Variants in PLEC observed in about 807,000 individuals in gnomAD.
PLEC encodes plectin.
PLEC carries 216 observed loss-of-function variants against 392.8 expected under a neutral mutation model. The ratio of observed to expected loss-of-function variants is 0.55; its 90% confidence interval spans 0.49 to 0.62. The LOEUF is 0.62. PLEC is among the 20% of genes least tolerant of loss of function. The pLI is 0.00. For synonymous variants in PLEC, 3,621 were observed against 2,980.6 expected (o/e 1.21, Z -7.00); for missense variants, 6,863 against 6,563.4 (o/e 1.05, Z -1.58).
At position 143,925,682 on chromosome 8, in the gene PLEC, C is replaced by A. The variant is rs565291398; in HGVS notation, c.4247G>T (p.Arg1416Leu). ...EAAVDAQQQK[R>L]SIQEELQQLR... Reference sequence around the variant, plus strand: ...CTGCTGCAGCTCCTCCTGAATGCTGCGCTTCTGCTGCTGCGCGTCCACCGC... The same window carrying A: ...CTGCTGCAGCTCCTCCTGAATGCTGAGCTTCTGCTGCTGCGCGTCCACCGC... Residue 1416 changes from arginine (R) to leucine (L), a missense_variant, in exon 31 of 32, where the codon CGC (arginine) becomes CTC (leucine). Coordinates refer to ENST00000345136, the MANE Select transcript of PLEC (RefSeq NM_201384.3). The A allele has an allele frequency of 6.3e-7, 1 of 1,591,430 alleles. No individual in the cohort carries two copies. The highest frequency in any genetic ancestry group is 8.5e-7 in the Non-Finnish European group (1 of 1,176,250).
intron 1 of PLEC, among the ~76,000 whole-genome samples, chr8:143,964,908 A>G (rs1587408549): frequency 6.6e-6 from 1 of 152,072 alleles, no homozygotes; most frequent in South Asian, 2.1e-4. Flanking sequence ...AAAAGCCACA[A>G]CCAGAGACCT....
chr8:143,936,341 G>A (rs1200289187), intron 5 of PLEC, among the ~76,000 whole-genome samples: 1 of 152,204 alleles, frequency 6.6e-6, no homozygotes, highest in Non-Finnish European at 1.5e-5. Context: ...TGCACCTCCC[G>A]GAGCTGGGAT....
chr8:143,939,602 G>T (rs1395615508), upstream of PLEC: 2 of 1,487,398 alleles, frequency 1.3e-6, no homozygotes, highest in Non-Finnish European at 1.8e-6. Context: ...AGCCCCAGTC[G>T]GTGCGGCCAC....
In PLEC at chr8:143,920,482, G is replaced by A. The variant is rs781986477; in HGVS notation, c.9339C>T (p.Ser3113=). Residue 3113 remains serine (S), a synonymous_variant, in exon 32 of 32, where the codon AGC becomes AGT. Transcript: ENST00000345136. ...TGYRDPYTGQ[S]VSLFQALKKG... ...TCTTCAGGGCCTGGAACAGGGAGAC[G>A]CTCTGCCCTGTGTAGGGGTCCCTGT... 60 of 1,606,924 alleles carry A rather than the reference G, an allele frequency of 3.7e-5. No individual in the cohort carries two copies. The highest frequency in any genetic ancestry group is 6.7e-5 in the East Asian group (3 of 44,762).
chr8:143,935,861 T>C lies in PLEC; in HGVS notation c.589A>G (p.Ile197Val). Reference protein sequence around the residue: ...WRDGRLFNAIIHRHKPLLIDM... With the variant: ...WRDGRLFNAIVHRHKPLLIDM... ...GGGGCCATGTACTTGTGCCGGTGGA[T>C]GATGGCATTGAAGAGGCGGCCGTCT... Residue 197 changes from isoleucine to valine, a missense_variant, in exon 6 of 32, where the codon ATC (isoleucine) becomes GTC (valine). Coordinates refer to ENST00000345136, the MANE Select transcript of PLEC (RefSeq NM_201384.3). The C allele has an allele frequency of 1.2e-6, 2 of 1,612,890 alleles. No individual in the cohort carries two copies. The highest frequency in any genetic ancestry group is 2.2e-5 in the South Asian group (2 of 91,078).
upstream of PLEC, among the ~76,000 whole-genome samples, chr8:143,941,336 G>A (rs1168679617): frequency 2.6e-5 from 4 of 152,168 alleles, no homozygotes; most frequent in African/African-American, 9.7e-5. Context: ...CAGGACCCAC[G>A]TGGAGCCCAC....
rs370008243 is a variant in PLEC, at chr8:143,920,347, G to A, written c.9474C>T (p.Cys3158=). 158 of 1,593,966 alleles carry A rather than the reference G, an allele frequency of 9.9e-5. 1 individual carries two copies. Among genetic ancestry groups the A allele is most frequent in the African/African-American group, 1.7e-4 (13 of 74,794 alleles). The change falls in exon 32 of 32, where the codon TGC becomes TGT. Residue 3158 remains cysteine (C), a synonymous_variant. Transcript: ENST00000345136. ...TCTCCTCATCCAGGCAGCCTCGGGC[G>A]CAGGCGACATCCAGGGGCACGCGGT... ...KSHRVPLDVA[C]ARGCLDEETS...
At chr8:143,932,318 A>G (rs1827580745) in intron 16 of PLEC, 82 bp downstream of exon 16, 3 of 1,605,320 alleles carry the variant, frequency 1.9e-6, no homozygotes, top group African/African-American at 2.7e-5. Flanking sequence ...CAGGGCCCCC[A>G]CTGGTCTCTG....
chr8:143,973,262 G>A lies in PLEC; in HGVS notation c.70+141C>T. 2 of 959,988 alleles carry A rather than the reference G, an allele frequency of 2.1e-6. No individual in the cohort carries two copies. The highest frequency in any genetic ancestry group is 5.4e-5 in the East Asian group (1 of 18,576). The allele number at this position is 959,988 out of a possible 1,614,324, so 59.5% of individuals were successfully genotyped here. ...TCCCCTTCCCTAGGCACTGGCAGCC[G>A]TTGGGGGCGATCCAGGCGGACGAGG... On this transcript the variant is annotated intron_variant, in intron 1 of 31. Coordinates refer to the PLEC transcript ENST00000356346. The surrounding 1 kb of genome is among the most constrained non-coding windows in gnomAD (Gnocchi z 5.6).
chr8:143,923,452 C>T lies in PLEC; in HGVS notation c.6477G>A (p.Gln2159=). 6.2e-7 allele frequency: 1 copy of T among 1,608,476 alleles called. No individual in the cohort carries two copies. The highest frequency in any genetic ancestry group is 2.2e-5 in the East Asian group (1 of 44,856). The change falls in exon 31 of 32, where the codon CAG becomes CAA. Residue 2159 remains glutamine, a synonymous_variant. Coordinates refer to ENST00000345136, the MANE Select transcript of PLEC (RefSeq NM_201384.3). ...CCATCTCCGCGTCAGCTGCCTGCTT[C>T]TGCCGCAGGGCCGCCTGCTCCGCCT... is the stretch of plus-strand genomic sequence containing the variant. The part of the protein sequence containing the change: ...RAQAEQAALR[Q]KQAADAEMEK...
chr8:143,943,931 G>A (rs782522304), upstream of PLEC: 11 of 1,599,658 alleles, frequency 6.9e-6, no homozygotes, highest in South Asian at 1.1e-5. Flanking sequence ...TTCCTGCGCT[G>A]GGAACCGGCT....
chr8:143,925,909 G>A (rs576289081), intron 30 of PLEC, 25 bp from the exon 31 acceptor site: 20 of 1,535,098 alleles, frequency 1.3e-5, no homozygotes, highest in Admixed American at 1.2e-4. Flanking sequence ...GAGAGAAGAA[G>A]AGAAGCAGAG....
chr8:143,917,992 G>C lies in PLEC; in HGVS notation c.11829C>G (p.Thr3943=). ...CCTGGTACACCGAGAGCCGTTCCTT[G>C]GTGGCGTCCACGAAGACACCAGCGA... ...SCIAGVFVDA[T]KERLSVYQAM... is the part of the protein sequence containing the mutation. Residue 3943 remains threonine, a synonymous_variant, in exon 32 of 32, where the codon ACC becomes ACG. Coordinates refer to ENST00000345136, the MANE Select transcript of PLEC (RefSeq NM_201384.3). 1 of 1,612,532 alleles carries C rather than the reference G, an allele frequency of 6.2e-7. No individual in the cohort carries two copies. The highest frequency in any genetic ancestry group is 8.5e-7 in the Non-Finnish European group (1 of 1,179,948).
intron 1 of PLEC, among the ~76,000 whole-genome samples, chr8:143,967,299 G>C (rs1018918633): frequency 6.2e-5 from 9 of 144,398 alleles, no homozygotes; most frequent in South Asian, 2.3e-4. Flanking sequence ...GGAGGCGGAG[G>C]TTGCAGTGAG....
intron 1 of PLEC, chr8:143,946,263 G>T: frequency 3.0e-6 from 3 of 1,014,350 alleles, no homozygotes; most frequent in Non-Finnish European, 4.0e-6. Context: ...GGCACAGAAC[G>T]GTGGACAACG....
chr8:143,924,597 ACTC>A lies in PLEC; in HGVS notation c.5329_5331del (p.Glu1777del), dbSNP rs2131409937. On this transcript the variant is annotated inframe_deletion, in exon 31 of 32. Coordinates refer to ENST00000345136, the MANE Select transcript of PLEC (RefSeq NM_201384.3). ...TTGGACTTCTCGCTGGTGGAGCGCG[ACTC>A]CTCCTCAGCCCTCGCCTTGCTGGCC... is the stretch of plus-strand genomic sequence containing the variant. 2 of 1,541,460 alleles carry A rather than the reference ACTC, an allele frequency of 1.3e-6. No individual in the cohort carries two copies. The highest frequency in any genetic ancestry group is 1.7e-6 in the Non-Finnish European group (2 of 1,151,638).
At chr8:143,974,827 A>G (rs1833601429), upstream of PLEC, among the ~76,000 whole-genome samples, 1 of 152,078 alleles carries the variant, frequency 6.6e-6, no homozygotes, top group Non-Finnish European at 1.5e-5. This position sits in a 1 kb window ranked among gnomAD's most constrained non-coding sequence, Gnocchi z 5.9. Context: ...CCCTCCCTAT[A>G]CACTGCTCCT....
Position 143,916,621 on chromosome 8 carries a change from G to T in PLEC, c.13200C>A (p.Pro4400=), listed in dbSNP as rs782219243. The T allele has an allele frequency of 6.2e-7, 1 of 1,609,922 alleles. No individual in the cohort carries two copies. Among genetic ancestry groups the T allele is most frequent in the South Asian group, 1.1e-5 (1 of 90,970 alleles). The change falls in exon 32 of 32, where the codon CCC becomes CCA. Residue 4400 remains proline, a synonymous_variant. Coordinates refer to ENST00000345136, the MANE Select transcript of PLEC (RefSeq NM_201384.3). ...VQYLTGGLIE[P]DTPGRVPLDE... ...CCAGGGGCACGCGGCCCGGCGTGTC[G>T]GGCTCGATCAAGCCGCCGGTCAGGT...
upstream of PLEC, among the ~76,000 whole-genome samples, chr8:143,944,308 C>T (rs968182271): frequency 2.0e-5 from 3 of 152,186 alleles, no homozygotes; most frequent in African/African-American, 4.8e-5. Context: ...CAGCCTCCCC[C>T]TGCTGTCCCC....
Sources: allele counts gnomAD v4.1 joint callset (sites outside exome capture counted in the v4.1 genomes callset), GRCh38; gene constraint gnomAD v4.1.1; non-coding constraint Gnocchi (gnomAD v3.1); transcripts MANE v1.5; gene names NCBI Gene and HGNC (gene_info 2026-07-23, HGNC 2026-07-21).